CNOT1: variants seen among roughly 807,000 people sequenced by gnomAD.
CNOT1 encodes CCR4-NOT transcription complex subunit 1, also known as CCR4-associated factor 1.
A neutral mutation model predicts 273.8 loss-of-function variants in CNOT1; 15 were observed. The ratio of observed to expected loss-of-function variants is 0.05; its 90% CI spans 0.04 to 0.08. The LOEUF (loss-of-function observed/expected upper bound fraction) is 0.08, where lower values mean the gene tolerates loss of function less well. CNOT1 is among the 10% of genes least tolerant of loss of function. The pLI, the probability that CNOT1 is intolerant of heterozygous loss-of-function variation, is 1.00. For missense variants in CNOT1, 1,644 were observed against 2,912.2 expected, an observed-to-expected ratio of 0.56 and a Z score of 10.02; for synonymous variants, 1,022 against 1,005.5, an observed-to-expected ratio of 1.02 and a Z score of -0.31.
chr16:58,586,163 G>T (rs775274545), intron 7 of CNOT1, among the ~76,000 whole-genome samples: 1 of 136,548 alleles, frequency 7.3e-6, no homozygotes, highest in African/African-American at 2.8e-5. Context: ...ATGCTCGCCT[G>T]ATCTTCCCAA....
At chr16:58,609,842 GAT>G (rs138676396) in intron 1 of CNOT1, among the ~76,000 whole-genome samples, 11 of 149,204 alleles carry the variant, frequency 7.4e-5, no homozygotes, top group Non-Finnish European at 8.9e-5. Context: ...CACTTAGGGT[GAT>G]ATATATATAT....
chr16:58,528,457 A>G lies in CNOT1; in HGVS notation c.6453+18T>C. On this transcript the variant is annotated intron_variant, in intron 44 of 48. Transcript: ENST00000317147. ...AATATTAAGACATAAGTTTTCCTTT[A>G]ACTAGTTGGAACCTTACCTTTAGAT... The G allele has an allele frequency of 4.4e-6, 7 of 1,588,162 alleles. No homozygotes were observed. The highest frequency in any genetic ancestry group is 6.0e-6 in the Non-Finnish European group (7 of 1,159,356).
At chr16:58,550,004 C>G in intron 24 of CNOT1, 106 bp from the exon 25 acceptor site, 2 of 1,502,812 alleles carry the variant, frequency 1.3e-6, no homozygotes, top group Non-Finnish European at 1.8e-6. Flanking sequence ...GCAAAACTAA[C>G]TAGATGCTAA....
At position 58,574,668 on chromosome 16, in the gene CNOT1, A is replaced by G; in HGVS notation, c.1920T>C (p.Ser640=). ...GLAPEKDQPK[S]AQLPPETLAT... ...CCAAAGTTTCTGGAGGAAGTTGAGC[A>G]CTTTTGGGCTGGTCTTTTTCTGGGG... Residue 640 remains serine, a synonymous_variant, in exon 16 of 49, where the codon AGT becomes AGC. Transcript: ENST00000317147. 2 of 1,607,862 alleles carry G rather than the reference A, an allele frequency of 1.2e-6. No individual in the cohort carries two copies. Among genetic ancestry groups the G allele is most frequent in the Non-Finnish European group, 1.7e-6 (2 of 1,178,904 alleles).
intron 16 of CNOT1, among the ~76,000 whole-genome samples, chr16:58,561,171 G>A (rs966392839): frequency 1.3e-5 from 2 of 152,292 alleles, no homozygotes; most frequent in African/African-American, 4.8e-5. Flanking sequence ...GGTAAGAGAT[G>A]AGAAGGGAAA....
chr16:58,588,891 C>T lies in CNOT1; in HGVS notation c.118G>A (p.Gly40Ser), dbSNP rs1193615524. The change falls in exon 3 of 49, where the codon GGT becomes AGT. Residue 40 changes from glycine to serine, a missense_variant. Coordinates refer to ENST00000317147, the MANE Select transcript of CNOT1 (RefSeq NM_016284.5). ...AATAAATGCCTGTCTGCCTCAGGAC[C>T]GTGCCGATTCACAATCTAAAATGAC... is the stretch of plus-strand genomic sequence containing the variant. ...QEIQHIVNRH[G>S]PEADRHLLRC... 2 of 1,612,484 alleles carry T rather than the reference C, an allele frequency of 1.2e-6. No homozygotes were observed. The highest frequency in any genetic ancestry group is 1.1e-5 in the South Asian group (1 of 90,896).
At chr16:58,562,731 G>A (rs375000625) in intron 16 of CNOT1, among the ~76,000 whole-genome samples, 166 of 152,214 alleles carry the variant, frequency 1.1e-3, no homozygotes, top group African/African-American at 3.9e-3. Context: ...GCTGAGGCAG[G>A]AGAATCGCTT....
intron 16 of CNOT1, among the ~76,000 whole-genome samples, chr16:58,567,119 C>A (rs1482672863): frequency 6.6e-6 from 1 of 151,798 alleles, no homozygotes; most frequent in Admixed American, 6.6e-5. Flanking sequence ...TGTGAACATG[C>A]ACTGTACTTC....
At chr16:58,546,544 A>T in intron 28 of CNOT1, 46 bp from the exon 29 acceptor site, 1 of 1,600,478 alleles carries the variant, frequency 6.2e-7, no homozygotes, top group East Asian at 2.2e-5. Flanking sequence ...AGAAAACTTT[A>T]GTTTTACTCA....
intron 35 of CNOT1, among the ~76,000 whole-genome samples, chr16:58,539,203 C>G (rs2040001664): frequency 6.6e-6 from 1 of 152,000 alleles, no homozygotes; most frequent in African/African-American, 2.4e-5. Flanking sequence ...CCCTCAAAAT[C>G]TAAAGGGCAG....
intron 39 of CNOT1, 77 bp from the exon 40 acceptor site, chr16:58,534,472 C>A: frequency 6.8e-7 from 1 of 1,465,032 alleles, no homozygotes; most frequent in Non-Finnish European, 9.2e-7. Flanking sequence ...AATTTTCAGG[C>A]TTAAGAGATA....
intron 13 of CNOT1, 36 bp from the exon 14 acceptor site, chr16:58,576,618 C>T: frequency 6.2e-7 from 1 of 1,612,904 alleles, no homozygotes; most frequent in East Asian, 2.2e-5. Flanking sequence ...AGCAATACTG[C>T]TAAACACTGT....
In CNOT1 at chr16:58,541,892, C is replaced by A. The variant is rs376214024; in HGVS notation, c.4681-272G>T. 6.6e-5 allele frequency among the ~76,000 whole-genome samples: 10 copies of A among 152,300 alleles called. 1 individual carries two copies. The South Asian group carries it at 1.9e-3, about 28-fold the overall frequency. On this transcript the variant is annotated intron_variant, in intron 33 of 48. Transcript: ENST00000317147. ...TGGGACGATGCCAGTGCAATTCTCC[C>A]TTGAAGCTGGTAAATATTATCAGAT...
chr16:58,588,941 A>T (rs559232628), intron 2 of CNOT1, 35 bp from the exon 3 acceptor site: 3 of 1,530,434 alleles, frequency 2.0e-6, no homozygotes, highest in South Asian at 2.5e-5. Context: ...TTAATAAGGG[A>T]AGATAAAACA....
At chr16:58,581,082 A>G (rs1297994914) in intron 11 of CNOT1, among the ~76,000 whole-genome samples, 1 of 87,838 alleles carries the variant, frequency 1.1e-5, no homozygotes, top group African/African-American at 4.9e-5. Flanking sequence ...TTCTGAGCCA[A>G]TTAGGGAAAC....
intron 18 of CNOT1, among the ~76,000 whole-genome samples, chr16:58,557,233 T>C (rs2040662117): frequency 6.6e-6 from 1 of 152,224 alleles, no homozygotes; most frequent in African/African-American, 2.4e-5. Flanking sequence ...ATATTCTTGA[T>C]AATGTGCAAA....
At chr16:58,628,433 T>C (rs752934753) in intron 1 of CNOT1, among the ~76,000 whole-genome samples, 5 of 152,120 alleles carry the variant, frequency 3.3e-5, no homozygotes, top group East Asian at 1.9e-4. Context: ...CAAGTACCTA[T>C]AGAAAAAAAT....
In CNOT1 at chr16:58,628,162, C is replaced by T. The variant is rs117543512; in HGVS notation, c.-175+1566G>A. Among the ~76,000 whole-genome samples the T allele has an allele frequency of 4.0e-3, 602 of 152,262 alleles. 7 individuals carry two copies. Among genetic ancestry groups the T allele is most frequent in the East Asian group, 0.011 (59 of 5,180 alleles). On this transcript the variant is annotated intron_variant, in intron 1 of 48. Coordinates refer to ENST00000317147, the MANE Select transcript of CNOT1 (RefSeq NM_016284.5). Reference sequence around the variant, plus strand: ...CTTGTTTCCACTAAGACTTGGGGAACCCACACTTGTTGAAAAGGAACTAAC... The same window carrying T: ...CTTGTTTCCACTAAGACTTGGGGAATCCACACTTGTTGAAAAGGAACTAAC...
intron 47 of CNOT1, among the ~76,000 whole-genome samples, chr16:58,521,878 T>G (rs2039389610): frequency 6.6e-6 from 1 of 151,958 alleles, no homozygotes; most frequent in East Asian, 1.9e-4. Context: ...TTGAACCCAG[T>G]AGGTGGAGGT....
Sources: allele counts gnomAD v4.1 joint callset (sites outside exome capture counted in the v4.1 genomes callset), GRCh38; gene constraint gnomAD v4.1.1; transcripts MANE v1.5; gene names NCBI Gene and HGNC (gene_info 2026-07-23, HGNC 2026-07-21).